Variants in IMMP2L observed in about 807,000 individuals in gnomAD.
IMMP2L encodes the protein inner mitochondrial membrane peptidase subunit 2, also known as mitochondrial inner membrane protease subunit 2.
A neutral mutation model predicts 19.3 loss-of-function variants in IMMP2L; 18 were observed. The ratio of observed to expected loss-of-function variants is 0.93; its 90% confidence interval spans 0.64 to 1.38. IMMP2L has a LOEUF of 1.38. IMMP2L is among the 40% of genes most tolerant of loss of function. The pLI, the probability that IMMP2L is intolerant of heterozygous loss-of-function variation, is 0.00. For synonymous variants in IMMP2L, 76 were observed against 73.0 expected, an observed-to-expected ratio of 1.04 and a Z score of -0.21; for missense variants, 233 against 218.2, an observed-to-expected ratio of 1.07 and a Z score of -0.43.
At chr7:111,532,758 G>A (rs1434510392) in intron 1 of IMMP2L, among the ~76,000 whole-genome samples, 1 of 152,110 alleles carries the variant, frequency 6.6e-6, no homozygotes, top group Non-Finnish European at 1.5e-5. Context: ...GCACATTAAG[G>A]CTCCAATTAG....
chr7:110,737,004 T>G (rs1033051894), intron 5 of IMMP2L, among the ~76,000 whole-genome samples: 7 of 152,140 alleles, frequency 4.6e-5, no homozygotes, highest in Admixed American at 4.6e-4. Flanking sequence ...TTTGAATGTT[T>G]GTGGCAGTCC....
chr7:110,976,805 T>C (rs1820744748), intron 3 of IMMP2L, among the ~76,000 whole-genome samples: 1 of 151,976 alleles, frequency 6.6e-6, no homozygotes, highest in South Asian at 2.1e-4. Context: ...ACTGGCTCCC[T>C]ACATGTTCAA....
At chr7:111,280,109 C>T (rs1584422952) in intron 3 of IMMP2L, among the ~76,000 whole-genome samples, 1 of 152,124 alleles carries the variant, frequency 6.6e-6, no homozygotes. Context: ...AATAAAACTC[C>T]TTGCCATACT....
intron 3 of IMMP2L, among the ~76,000 whole-genome samples, chr7:111,232,084 A>G (rs1483166579): frequency 6.6e-6 from 1 of 152,044 alleles, no homozygotes; most frequent in Non-Finnish European, 1.5e-5. Context: ...TAGATTAATA[A>G]ATATTTAGTA....
At chr7:110,906,286 G>T (rs952114344) in intron 4 of IMMP2L, among the ~76,000 whole-genome samples, 1 of 152,230 alleles carries the variant, frequency 6.6e-6, no homozygotes, top group South Asian at 2.1e-4. Context: ...CATTTTAGCT[G>T]GTGGAAACAA....
At chr7:111,053,539 TC>T (rs1241510512) in intron 3 of IMMP2L, among the ~76,000 whole-genome samples, 1 of 152,188 alleles carries the variant, frequency 6.6e-6, no homozygotes, top group Non-Finnish European at 1.5e-5. Flanking sequence ...AGACTGCCTT[TC>T]CCTAGTGTCA....
intron 3 of IMMP2L, among the ~76,000 whole-genome samples, chr7:111,322,445 A>C (rs1031900605): frequency 6.6e-6 from 1 of 152,018 alleles, no homozygotes; most frequent in South Asian, 2.1e-4. Flanking sequence ...ACCATGAGTC[A>C]CTTTCTGCTC....
chr7:110,931,638 C>A (rs1034987657), intron 4 of IMMP2L, among the ~76,000 whole-genome samples: 6 of 152,136 alleles, frequency 3.9e-5, no homozygotes, highest in African/African-American at 1.2e-4. Context: ...TCATTGCTTC[C>A]CTGGGTTACT....
chr7:111,535,554 C>T lies in IMMP2L; in HGVS notation c.-2-14105G>A, dbSNP rs145049718. Among the ~76,000 whole-genome samples the T allele has an allele frequency of 2.1e-3, 323 of 152,188 alleles. 3 individuals carry two copies. The highest frequency in any genetic ancestry group is 7.4e-3 in the African/African-American group (307 of 41,532). On this transcript the variant is annotated intron_variant, in intron 1 of 5. Transcript: ENST00000405709. ...TAAACAAGGGAGTGAATTAAACAGT[C>T]ATCAACTATGGTGGGGCAGGAAAAG...
chr7:110,735,563 G>C (rs1796560238), intron 5 of IMMP2L, among the ~76,000 whole-genome samples: 1 of 151,440 alleles, frequency 6.6e-6, no homozygotes, highest in African/African-American at 2.4e-5. Context: ...GTGAGGCTGA[G>C]GTGGGTGGAT....
At position 110,742,732 on chromosome 7, in the gene IMMP2L, C is replaced by T. The variant is rs1250907833; in HGVS notation, c.409-79011G>A. On this transcript the variant is annotated intron_variant, in intron 5 of 5. Transcript: ENST00000405709. ...CAGTGCGCCAGAGATCACACCACTGCACTCCAGCCTGGGCAACAAGAGCTA... is the reference window on the plus strand; with the variant it reads ...CAGTGCGCCAGAGATCACACCACTGTACTCCAGCCTGGGCAACAAGAGCTA... 6.1e-5 allele frequency among the ~76,000 whole-genome samples: 9 copies of T among 146,416 alleles called. No homozygotes were observed. The Admixed American group carries it at 6.3e-4, about 10-fold the overall frequency.
chr7:110,996,553 C>T (rs1041049525), intron 3 of IMMP2L, among the ~76,000 whole-genome samples: 1 of 152,044 alleles, frequency 6.6e-6, no homozygotes, highest in African/African-American at 2.4e-5. Flanking sequence ...GTAGACCCTG[C>T]CTTGTGATCA....
chr7:110,833,536 G>A (rs1363233133), intron 5 of IMMP2L, among the ~76,000 whole-genome samples: 3 of 151,972 alleles, frequency 2.0e-5, no homozygotes, highest in Non-Finnish European at 2.9e-5. Flanking sequence ...GACCATCTGG[G>A]GGGATGGCTG....
chr7:110,969,033 T>C (rs1260980424), intron 3 of IMMP2L, among the ~76,000 whole-genome samples: 1 of 152,094 alleles, frequency 6.6e-6, no homozygotes, highest in Non-Finnish European at 1.5e-5. Flanking sequence ...AAGAAAAGCA[T>C]TGTAAAGGTT....
At chr7:110,781,992 T>C (rs1201302557) in intron 5 of IMMP2L, among the ~76,000 whole-genome samples, 1 of 151,902 alleles carries the variant, frequency 6.6e-6, no homozygotes, top group African/African-American at 2.4e-5. Flanking sequence ...GAATATGAAG[T>C]TTATCCTAGT....
intron 5 of IMMP2L, among the ~76,000 whole-genome samples, chr7:110,698,385 A>C (rs540752996): frequency 3.3e-5 from 5 of 152,292 alleles, no homozygotes; most frequent in South Asian, 4.1e-4. Context: ...ATTATCCCTT[A>C]ATAATAATAC....
chr7:110,782,681 T>C (rs767794386), intron 5 of IMMP2L, among the ~76,000 whole-genome samples: 2 of 151,966 alleles, frequency 1.3e-5, no homozygotes, highest in Non-Finnish European at 2.9e-5. Flanking sequence ...GTACTTACTA[T>C]GTGCTAGGCA....
At chr7:110,681,698 T>TGA (rs1354068009) in intron 5 of IMMP2L, among the ~76,000 whole-genome samples, 2 of 152,146 alleles carry the variant, frequency 1.3e-5, no homozygotes, top group East Asian at 3.9e-4. Context: ...CCAAGCTGTG[T>TGA]GAGACACAGA....
chr7:110,754,864 C>A (rs1262372669), intron 5 of IMMP2L, among the ~76,000 whole-genome samples: 1 of 151,850 alleles, frequency 6.6e-6, no homozygotes, highest in African/African-American at 2.4e-5. Flanking sequence ...TAACGTGGCC[C>A]TCGGAGAACC....
Sources: allele counts gnomAD v4.1 joint callset (sites outside exome capture counted in the v4.1 genomes callset), GRCh38; gene constraint gnomAD v4.1.1; transcripts MANE v1.5; gene names NCBI Gene and HGNC (gene_info 2026-07-23, HGNC 2026-07-21).